Variants in STX8 observed in about 807,000 individuals in gnomAD.
The protein encoded by STX8 is syntaxin 8.
A neutral mutation model predicts 37.5 loss-of-function variants in STX8; 23 were observed. That is an observed-to-expected ratio of 0.61 (90% CI 0.44 to 0.87). The LOEUF (loss-of-function observed/expected upper bound fraction) is 0.87, where lower values mean the gene tolerates loss of function less well. STX8 is among the 40% of genes least tolerant of loss of function. The pLI is 0.00. For synonymous variants in STX8, 115 were observed against 99.1 expected (o/e 1.16, Z -0.95); for missense variants, 313 against 284.7 (o/e 1.10, Z -0.71).
chr17:9,331,090 T>G (rs111397400), intron 7 of STX8, among the ~76,000 whole-genome samples: 2,222 of 152,306 alleles, frequency 0.015, 28 homozygotes, highest in Middle Eastern at 0.034. Flanking sequence ...GGAGAAGCCC[T>G]CAGAGGGCCT....
At chr17:9,368,846 A>G (rs1487689781) in intron 7 of STX8, among the ~76,000 whole-genome samples, 3 of 151,662 alleles carry the variant, frequency 2.0e-5, no homozygotes, top group Non-Finnish European at 4.4e-5. Flanking sequence ...ACCCGTCTGT[A>G]CTACCTGCAG....
chr17:9,547,056 T>C (rs1427155476), intron 3 of STX8, among the ~76,000 whole-genome samples: 2 of 151,196 alleles, frequency 1.3e-5, no homozygotes, highest in African/African-American at 2.4e-5. Context: ...GAAACCATCC[T>C]GGCAAACACG....
chr17:9,335,832 G>GACACACAC (rs10701494), intron 7 of STX8, among the ~76,000 whole-genome samples: 110,406 of 146,516 alleles, frequency 0.75, 43,125 homozygotes, highest in East Asian at 0.9. Context: ...CACACACGTA[G>GACACACAC]ACACACACAC....
chr17:9,257,029 C>T (rs867917682), intron 7 of STX8, among the ~76,000 whole-genome samples: 9 of 152,202 alleles, frequency 5.9e-5, no homozygotes, highest in Admixed American at 4.6e-4. Context: ...ACTTCGGGAT[C>T]GTTTCTCTGC....
At chr17:9,340,435 C>T (rs117281516) in intron 7 of STX8, among the ~76,000 whole-genome samples, 4,723 of 152,182 alleles carry the variant, frequency 0.031, 120 homozygotes, top group Middle Eastern at 0.051. Context: ...TGTTAAGTAA[C>T]GGGAATTTAT....
intron 7 of STX8, among the ~76,000 whole-genome samples, chr17:9,288,154 AC>A (rs1176771883): frequency 2.2e-5 from 3 of 134,180 alleles, no homozygotes; most frequent in African/African-American, 8.3e-5. Flanking sequence ...AAAAAAAAAA[AC>A]CAAAAACAAA....
intron 7 of STX8, among the ~76,000 whole-genome samples, chr17:9,349,316 C>CTTT (rs61627405): frequency 0.012 from 1,318 of 109,726 alleles, 34 homozygotes; most frequent in African/African-American, 0.045. Context: ...ATTTTCTTTT[C>CTTT]TTTTTTTTTT....
chr17:9,266,755 C>T (rs1196914956), intron 7 of STX8, among the ~76,000 whole-genome samples: 1 of 151,948 alleles, frequency 6.6e-6, no homozygotes, highest in East Asian at 1.9e-4. Flanking sequence ...AACCAAGGGC[C>T]ACGGTGGGGA....
chr17:9,418,478 T>G (rs1913277151), intron 6 of STX8, among the ~76,000 whole-genome samples: 1 of 145,408 alleles, frequency 6.9e-6, no homozygotes. Flanking sequence ...GACTTTCTCC[T>G]CAGAGAATGC....
intron 7 of STX8, among the ~76,000 whole-genome samples, chr17:9,312,844 T>C (rs1452330368): frequency 6.6e-6 from 1 of 152,046 alleles, no homozygotes; most frequent in Non-Finnish European, 1.5e-5. Context: ...GTTGGATAGA[T>C]CGTCAAGGTA....
intron 3 of STX8, 35 bp downstream of exon 3, chr17:9,557,399 C>G: frequency 6.4e-7 from 1 of 1,566,782 alleles, no homozygotes; most frequent in South Asian, 1.1e-5. Context: ...TTTCCTCCCA[C>G]TCTAGAAAAG....
At chr17:9,395,131 GTATTTATTTAATTA>G (rs970643284) in intron 6 of STX8, among the ~76,000 whole-genome samples, 2 of 151,418 alleles carry the variant, frequency 1.3e-5, no homozygotes, top group Non-Finnish European at 2.9e-5. Flanking sequence ...TGATGTTACT[GTATTTATTTAATTA>G]AATATAAATG....
chr17:9,279,648 T>C (rs1907807623), intron 7 of STX8, among the ~76,000 whole-genome samples: 2 of 152,200 alleles, frequency 1.3e-5, no homozygotes, highest in African/African-American at 2.4e-5. Context: ...GACTAGACTA[T>C]GATGGACTTC....
chr17:9,293,699 C>T (rs1159604691), intron 7 of STX8, among the ~76,000 whole-genome samples: 1 of 151,904 alleles, frequency 6.6e-6, no homozygotes, highest in Non-Finnish European at 1.5e-5. Context: ...ATATGTTATC[C>T]ATTTTAAGCT....
chr17:9,312,671 C>A (rs369262402), intron 7 of STX8, among the ~76,000 whole-genome samples: 1 of 152,108 alleles, frequency 6.6e-6, no homozygotes, highest in Non-Finnish European at 1.5e-5. Flanking sequence ...AATTATGAGA[C>A]GGAAGGTCAC....
intron 6 of STX8, among the ~76,000 whole-genome samples, chr17:9,460,015 G>C (rs940489422): frequency 2.0e-5 from 3 of 152,214 alleles, no homozygotes; most frequent in Non-Finnish European, 4.4e-5. Flanking sequence ...CCGAGCTCCA[G>C]CATCACACAG....
At chr17:9,385,413 A>T (rs1911962613) in intron 6 of STX8, among the ~76,000 whole-genome samples, 1 of 152,226 alleles carries the variant, frequency 6.6e-6, no homozygotes, top group African/African-American at 2.4e-5. Context: ...TGTAGAACAT[A>T]TATCTGACAT....
At chr17:9,467,787 T>C (rs1482691634) in intron 6 of STX8, among the ~76,000 whole-genome samples, 1 of 152,210 alleles carries the variant, frequency 6.6e-6, no homozygotes, top group Non-Finnish European at 1.5e-5. Flanking sequence ...GGTTGCCTGC[T>C]CTGACCCTCC....
intron 6 of STX8, among the ~76,000 whole-genome samples, chr17:9,479,064 ACTAT>A (rs1906210636): frequency 6.6e-6 from 1 of 152,136 alleles, no homozygotes; most frequent in Non-Finnish European, 1.5e-5. Context: ...GCTGTTTTTC[ACTAT>A]CTAGGGGACC....
Sources: gnomAD v4.1 joint callset for allele counts (sites outside exome capture counted in the v4.1 genomes callset) on GRCh38, gnomAD v4.1.1 for gene constraint, MANE v1.5 for transcripts, NCBI Gene and HGNC (gene_info 2026-07-23, HGNC 2026-07-21) for gene names.